The following SDC4 variants were observed in gnomAD, a reference collection of about 807,000 sequenced individuals.
The protein encoded by SDC4 is syndecan 4.
A neutral mutation model predicts 20.5 loss-of-function variants in SDC4; 17 were observed. The ratio of observed to expected loss-of-function variants is 0.83; its 90% CI spans 0.57 to 1.25. The LOEUF (loss-of-function observed/expected upper bound fraction) is 1.25. Among genes scored for constraint, SDC4 ranks in the 50% most tolerant of loss-of-function variants. The probability of loss-of-function intolerance (pLI) is 0.00; values close to 1 mark genes in which losing one functional copy is unlikely to be tolerated. For missense variants in SDC4, 241 were observed against 252.3 expected (o/e 0.96, Z 0.30); for synonymous variants, 107 against 105.3 (o/e 1.02, Z -0.10).
At chr20:45,332,155 A>G (rs1987786853) in intron 3 of SDC4, among the ~76,000 whole-genome samples, 2 of 124,338 alleles carry the variant, frequency 1.6e-5, no homozygotes, top group South Asian at 5.6e-4. Flanking sequence ...AATTATATAT[A>G]TATACTTTTT....
rs767918645 is a variant in SDC4 at position 45,330,386 on chromosome 20, T to G, written c.425A>C (p.Glu142Ala). 1 of 1,614,188 alleles carries G rather than the reference T, an allele frequency of 6.2e-7. No individual in the cohort carries two copies. The highest frequency in any genetic ancestry group is 8.5e-7 in the Non-Finnish European group (1 of 1,180,034). Reference sequence around the variant, plus strand: ...CTTACCTGCCAGGACCTCCGTTCTCTCAAAGATGTTGCTGCCCTGCACAGT... The same window carrying G: ...CTTACCTGCCAGGACCTCCGTTCTCGCAAAGATGTTGCTGCCCTGCACAGT... ...SSTVQGSNIF[E>A]RTEVLAALIV... is the part of the protein sequence containing the mutation. The change falls in exon 4 of 5, where the codon GAG becomes GCG. Residue 142 changes from glutamate (E) to alanine (A), a missense_variant. Physicochemically the swap from Glu to Ala is moderately radical, Grantham distance 107. Transcript: ENST00000372733.
chr20:45,328,010 CA>C (rs1987720532), intron 4 of SDC4, among the ~76,000 whole-genome samples: 1 of 152,206 alleles, frequency 6.6e-6, no homozygotes, highest in Admixed American at 6.5e-5. Context: ...GACTCCCCTG[CA>C]ACAGTCTAGC....
intron 2 of SDC4, 127 bp from the exon 3 acceptor site, chr20:45,333,196 TC>T: frequency 1.2e-6 from 1 of 810,696 alleles, no homozygotes; most frequent in Non-Finnish European, 2.1e-6. Flanking sequence ...CAAGCGAGCT[TC>T]CCCACCCCTA....
chr20:45,348,173 A>G, intron 1 of SDC4, 152 bp downstream of exon 1: 1 of 789,614 alleles, frequency 1.3e-6, no homozygotes, highest in Non-Finnish European at 2.1e-6. Flanking sequence ...ACCCCGGAGC[A>G]AAGTTTCCAA....
At chr20:45,332,879 G>C in intron 3 of SDC4, 144 bp downstream of exon 3, 2 of 739,222 alleles carry the variant, frequency 2.7e-6, no homozygotes, top group Non-Finnish European at 4.4e-6. Flanking sequence ...GCCCACCCCA[G>C]GGCCAGATTT....
rs191024231 is a variant in SDC4, at chr20:45,335,899, C to G, written c.82G>C (p.Asp28His). 1.9e-6 allele frequency: 3 copies of G among 1,613,252 alleles called. No individual in the cohort carries two copies. In the South Asian group the frequency reaches 3.3e-5, roughly 18 times the overall value. The change falls in exon 2 of 5, where the codon GAC becomes CAC. Residue 28 changes from aspartate to histidine, a missense_variant. By Grantham distance (81) the Asp-to-His change is moderately conservative. Coordinates refer to ENST00000372733, the MANE Select transcript of SDC4 (RefSeq NM_002999.4). Reference protein sequence around the residue: ...AESIRETEVIDPQDLLEGRYF... With the variant: ...AESIRETEVIHPQDLLEGRYF... ...CGGCCTTCTAGGAGGTCCTGGGGGT[C>G]GATGACCTCAGTCTCTCGGATCTAA...
At chr20:45,332,524 T>C (rs928738893) in intron 3 of SDC4, among the ~76,000 whole-genome samples, 3 of 152,164 alleles carry the variant, frequency 2.0e-5, no homozygotes, top group African/African-American at 7.2e-5. Flanking sequence ...GGAGTTGGTG[T>C]TGACGGTGAC....
chr20:45,336,675 C>T lies in SDC4; in HGVS notation c.61-755G>A, dbSNP rs1054877456. ...GGCCCTGGGATGCTACACTCCAGGG[C>T]TCTGTGATGCAGTGGCAGCTGATTC... On this transcript the variant is annotated intron_variant, in intron 1 of 4. Transcript: ENST00000372733. 3.3e-5 allele frequency among the ~76,000 whole-genome samples: 5 copies of T among 152,192 alleles called. No homozygotes were observed. In the South Asian group the frequency reaches 6.2e-4, roughly 19 times the overall value.
intron 4 of SDC4, among the ~76,000 whole-genome samples, chr20:45,328,128 C>T (rs1269297885): frequency 2.0e-5 from 3 of 152,208 alleles, no homozygotes; most frequent in African/African-American, 7.2e-5. Context: ...TCCCTGTGTG[C>T]ATATTTACCT....
At position 45,327,378 on chromosome 20, in the gene SDC4, G is replaced by A. The variant is rs1374199120; in HGVS notation, c.483C>T (p.Ala161=). The A allele has an allele frequency of 1.4e-5, 23 of 1,613,844 alleles. No homozygotes were observed. The highest frequency in any genetic ancestry group is 4.5e-5 in the East Asian group (2 of 44,886). ...ACATGAGCAGTAGGATCAGGAAGAC[G>A]GCAAAGAGGATGCCCACGATGCCAC... The part of the protein sequence containing the change: ...IVGGIVGILF[A]VFLILLLMYR... The change falls in exon 5 of 5, where the codon GCC becomes GCT. Residue 161 remains alanine (A), a synonymous_variant. Transcript: ENST00000372733.
intron 1 of SDC4, 47 bp from the exon 2 acceptor site, chr20:45,335,967 A>G (rs1987858893): frequency 3.1e-6 from 5 of 1,587,588 alleles, no homozygotes; most frequent in African/African-American, 2.7e-5. Flanking sequence ...CCAGTGCTCC[A>G]TGACAGCTGA....
chr20:45,339,585 C>T (rs1488478442), intron 1 of SDC4, among the ~76,000 whole-genome samples: 1 of 152,136 alleles, frequency 6.6e-6, no homozygotes, highest in Admixed American at 6.5e-5. Flanking sequence ...CCCATCTCTA[C>T]AAAAATTAGC....
chr20:45,340,884 C>A (rs759296959), intron 1 of SDC4, among the ~76,000 whole-genome samples: 1 of 151,560 alleles, frequency 6.6e-6, no homozygotes, highest in South Asian at 2.1e-4. Flanking sequence ...CCCCACCCCA[C>A]CCACTTCTTA....
In SDC4 at chr20:45,348,340, G is replaced by T; in HGVS notation, c.45C>A (p.Gly15=). ...RLFALLLFFV[G]GVAESIRETE... ...AAGCACCCACCGACTCGGCGACTCCGCCTACGAAGAACAGCAGCAGCGCGA... is the reference window on the plus strand; with the variant it reads ...AAGCACCCACCGACTCGGCGACTCCTCCTACGAAGAACAGCAGCAGCGCGA... The change falls in exon 1 of 5, where the codon GGC becomes GGA. Residue 15 remains glycine (G), a synonymous_variant. Coordinates refer to ENST00000372733, the MANE Select transcript of SDC4 (RefSeq NM_002999.4). 1 of 1,590,356 alleles carries T rather than the reference G, an allele frequency of 6.3e-7. No homozygotes were observed. The highest frequency in any genetic ancestry group is 8.5e-7 in the Non-Finnish European group (1 of 1,169,864).
intron 1 of SDC4, chr20:45,345,162 T>C (rs1363023998): frequency 1.3e-5 from 2 of 152,178 alleles, no homozygotes; most frequent in Non-Finnish European, 2.9e-5. Context: ...ATTTCCTGAG[T>C]ACAAACTAGG....
rs1987853423 is a variant in SDC4, at chr20:45,335,769, A to G, written c.199+13T>C. On this transcript the variant is annotated intron_variant, in intron 2 of 4. Coordinates refer to ENST00000372733, the MANE Select transcript of SDC4 (RefSeq NM_002999.4). ...AGCTTTGTGCCTACGCCTGCCCAGC[A>G]CACCTTCCGTACCCAGATCTCCAGA... 3 of 1,612,720 alleles carry G rather than the reference A, an allele frequency of 1.9e-6. No individual in the cohort carries two copies. Among genetic ancestry groups the G allele is most frequent in the Admixed American group, 1.7e-5 (1 of 59,984 alleles).
chr20:45,328,074 A>G (rs1362386755), intron 4 of SDC4, among the ~76,000 whole-genome samples: 7 of 152,212 alleles, frequency 4.6e-5, no homozygotes, highest in Non-Finnish European at 7.3e-5. Context: ...ATCCCTGTAG[A>G]CATATTTATC....
intron 2 of SDC4, among the ~76,000 whole-genome samples, chr20:45,334,455 TATC>T (rs1987830739): frequency 6.6e-6 from 1 of 152,226 alleles, no homozygotes; most frequent in South Asian, 2.1e-4. Flanking sequence ...TATCCCATAA[TATC>T]ATGTTGTATG....
In SDC4 at chr20:45,326,061, C is replaced by G. The variant is rs1037813364; in HGVS notation, c.*1203G>C. The G allele has an allele frequency of 1.3e-5, 2 of 152,426 alleles. No individual in the cohort carries two copies. Among genetic ancestry groups the G allele is most frequent in the African/African-American group, 4.8e-5 (2 of 41,350 alleles). 9.4% of individuals were successfully genotyped at this position (152,426 alleles called of 1,614,324 possible). On this transcript the variant is annotated 3_prime_UTR_variant, in exon 5 of 5. Transcript: ENST00000372733. ...CATGAAAATTCACTCACTCAACCAC[C>G]CAGCAACATCAAACTGGAAACACCA... is the stretch of plus-strand genomic sequence containing the variant.
Sources: gnomAD v4.1 joint callset for allele counts (sites outside exome capture counted in the v4.1 genomes callset) on GRCh38, gnomAD v4.1.1 for gene constraint, MANE v1.5 for transcripts, NCBI Gene and HGNC (gene_info 2026-07-23, HGNC 2026-07-21) for gene names.